ADAMTS12: variants seen among roughly 807,000 people sequenced by gnomAD.
ADAMTS12 encodes the protein ADAM metallopeptidase with thrombospondin type 1 motif 12.
A neutral mutation model predicts 167.8 loss-of-function variants in ADAMTS12; 118 were observed. The ratio of observed to expected loss-of-function variants is 0.70; its 90% CI spans 0.61 to 0.82. The LOEUF is 0.82. Ranked by LOEUF, ADAMTS12 falls within the 40% of genes least tolerant of loss-of-function variation. The pLI is 0.00. For synonymous variants in ADAMTS12, 704 were observed against 716.9 expected (o/e 0.98, Z 0.29); for missense variants, 1,916 against 1,998.8 (o/e 0.96, Z 0.79).
At chr5:33,633,598 C>T (rs1171116723) in intron 12 of ADAMTS12, among the ~76,000 whole-genome samples, 1 of 152,064 alleles carries the variant, frequency 6.6e-6, no homozygotes, top group Non-Finnish European at 1.5e-5. Flanking sequence ...TTTTATAAGG[C>T]TGAGCCTGAA....
intron 2 of ADAMTS12, among the ~76,000 whole-genome samples, chr5:33,832,937 C>CTATCT (rs1397984640): frequency 7.1e-6 from 1 of 141,770 alleles, no homozygotes; most frequent in African/African-American, 2.9e-5. Context: ...GCTTATTCCT[C>CTATCT]TATCTTTAAC....
At position 33,832,941 on chromosome 5, in the gene ADAMTS12, C is replaced by CTTTCAA. The variant is rs1554046040; in HGVS notation, c.489+48177_489+48178insTTGAAA. ...AAAAGCCACTTGCTTATTCCTCTAT[C>CTTTCAA]TTTAACTTTTTAAATTCAGTCAATA... On this transcript the variant is annotated intron_variant, in intron 2 of 23. Transcript: ENST00000504830. 5.7e-3 allele frequency among the ~76,000 whole-genome samples: 869 copies of CTTTCAA among 151,362 alleles called. 6 individuals are homozygous for CTTTCAA. Among genetic ancestry groups the CTTTCAA allele is most frequent in the Middle Eastern group, 0.017 (5 of 292 alleles).
At chr5:33,751,593 A>G (rs1744983569) in intron 2 of ADAMTS12, 45 bp from the exon 3 acceptor site, 1 of 1,591,264 alleles carries the variant, frequency 6.3e-7, no homozygotes. Context: ...CCAATTCTAC[A>G]TACCTACTAA....
chr5:33,662,581 G>A (rs575465222), intron 5 of ADAMTS12, among the ~76,000 whole-genome samples: 10 of 152,194 alleles, frequency 6.6e-5, no homozygotes, highest in Non-Finnish European at 1.2e-4. Context: ...GACCAGTTAG[G>A]AGAATTGGTC....
chr5:33,703,389 G>A (rs764652802), intron 3 of ADAMTS12, among the ~76,000 whole-genome samples: 15 of 152,042 alleles, frequency 9.9e-5, no homozygotes, highest in East Asian at 9.7e-4. Context: ...GTTTCATTCC[G>A]CCCCCATTTG....
At chr5:33,764,208 C>G (rs1178299028) in intron 2 of ADAMTS12, among the ~76,000 whole-genome samples, 1 of 152,192 alleles carries the variant, frequency 6.6e-6, no homozygotes, top group Admixed American at 6.5e-5. Flanking sequence ...TCTATGATTG[C>G]TAACCTACTT....
At chr5:33,550,720 C>G (rs1745217162) in intron 20 of ADAMTS12, among the ~76,000 whole-genome samples, 1 of 152,134 alleles carries the variant, frequency 6.6e-6, no homozygotes, top group South Asian at 2.1e-4. Flanking sequence ...TCCCACAAAG[C>G]TAAACTGCAG....
Position 33,661,848 on chromosome 5 carries a change from G to T in ADAMTS12, c.1040+68C>A, listed in dbSNP as rs890042262. 28 of 1,598,800 alleles carry T rather than the reference G, an allele frequency of 1.8e-5. No homozygotes were observed. In the East Asian group the frequency reaches 6.3e-4, roughly 36 times the overall value. ...GAGAATGTCATGGGTTTGAACACCT[G>T]GTAAGCCTTTCACCTGCCATCCCTC... On this transcript the variant is annotated intron_variant, in intron 6 of 23. Transcript: ENST00000504830.
intron 2 of ADAMTS12, among the ~76,000 whole-genome samples, chr5:33,864,797 CAT>C (rs1749751762): frequency 1.3e-5 from 2 of 152,086 alleles, no homozygotes; most frequent in African/African-American, 4.8e-5. Flanking sequence ...AATGAGAACA[CAT>C]GGACACAGGG....
At chr5:33,805,824 G>T (rs909483008) in intron 2 of ADAMTS12, among the ~76,000 whole-genome samples, 3 of 151,792 alleles carry the variant, frequency 2.0e-5, no homozygotes, top group Admixed American at 2.0e-4. Flanking sequence ...GGAGTTCGAG[G>T]TTACAGTGAG....
At chr5:33,775,065 C>T (rs1579925023) in intron 2 of ADAMTS12, among the ~76,000 whole-genome samples, 1 of 152,180 alleles carries the variant, frequency 6.6e-6, no homozygotes, top group East Asian at 1.9e-4. Context: ...TTTTAAAGCT[C>T]CCCAGGTCAT....
rs543091775 is a variant in ADAMTS12, at chr5:33,824,516, A to G, written c.489+56603T>C. Among the ~76,000 whole-genome samples the G allele has an allele frequency of 7.9e-5, 12 of 152,348 alleles. No homozygotes were observed. In the East Asian group the frequency reaches 2.1e-3, roughly 27 times the overall value. On this transcript the variant is annotated intron_variant, in intron 2 of 23. Transcript: ENST00000504830. Reference sequence around the variant, plus strand: ...TAAAAAACAAATGAGCAATCATAACATAATCATACCTAAAGAATAGATTCC... The same window carrying G: ...TAAAAAACAAATGAGCAATCATAACGTAATCATACCTAAAGAATAGATTCC...
At chr5:33,645,144 TTTATTATTATTATTA>T (rs145012036) in intron 9 of ADAMTS12, among the ~76,000 whole-genome samples, 80,978 of 146,002 alleles carry the variant, frequency 0.55, 23,256 homozygotes, top group East Asian at 0.66. Context: ...AAATGCTTTA[TTTATTATTATTATTA>T]TTATTATTAT....
chr5:33,774,997 C>T (rs1287026838), intron 2 of ADAMTS12, among the ~76,000 whole-genome samples: 2 of 152,144 alleles, frequency 1.3e-5, no homozygotes, highest in African/African-American at 2.4e-5. Context: ...TTCTTAGTCT[C>T]CAGTTCAAAC....
intron 22 of ADAMTS12, 50 bp downstream of exon 22, chr5:33,546,009 A>T (rs80227859): frequency 2.0e-4 from 5 of 25,094 alleles, no homozygotes; most frequent in South Asian, 3.7e-3. Flanking sequence ...TTAAAGTATT[A>T]AAAAAAAAAA....
At chr5:33,716,484 A>C (rs1743619863) in intron 3 of ADAMTS12, among the ~76,000 whole-genome samples, 1 of 152,086 alleles carries the variant, frequency 6.6e-6, no homozygotes, top group African/African-American at 2.4e-5. Context: ...ATCTTATTGC[A>C]GTTTCTTTTT....
In ADAMTS12 at chr5:33,614,303, A is replaced by G. The variant is rs1397208357; in HGVS notation, c.2462T>C (p.Val821Ala). Residue 821 changes from valine to alanine, a missense_variant, in exon 16 of 24, where the codon GTT becomes GCT. Transcript: ENST00000504830. ...TIQKDGLDNDVEQQMYFWQYG... is the reference protein window; with the variant it reads ...TIQKDGLDNDAEQQMYFWQYG... ...CTGCCAGAAGTACATCTGCTGCTCA[A>G]CATCATTGTCAAGGCCATCTTTCTG... 7 of 1,614,026 alleles carry G rather than the reference A, an allele frequency of 4.3e-6. 1 individual carries two copies. In the South Asian group the frequency reaches 7.7e-5, roughly 18 times the overall value.
chr5:33,567,840 T>C (rs1298855479), intron 19 of ADAMTS12, among the ~76,000 whole-genome samples: 1 of 152,078 alleles, frequency 6.6e-6, no homozygotes, highest in Non-Finnish European at 1.5e-5. Context: ...AAAGAAGAAA[T>C]AAATAAAATC....
At chr5:33,655,592 T>C (rs1027677027) in intron 7 of ADAMTS12, among the ~76,000 whole-genome samples, 3 of 127,544 alleles carry the variant, frequency 2.4e-5, no homozygotes, top group African/African-American at 5.5e-5. Flanking sequence ...CTCAAATCCT[T>C]GTCTCGGGGT....
Sources: allele counts gnomAD v4.1 joint callset (sites outside exome capture counted in the v4.1 genomes callset), GRCh38; gene constraint gnomAD v4.1.1; transcripts MANE v1.5; gene names NCBI Gene and HGNC (gene_info 2026-07-23, HGNC 2026-07-21).